Variants in NSD1 observed in about 807,000 individuals in gnomAD.
The protein encoded by NSD1 is nuclear receptor binding SET domain protein 1, also known as histone-lysine N-methyltransferase, H3 lysine-36 specific.
Under a neutral mutation model 242.7 loss-of-function variants are expected in NSD1, and 26 were observed. The ratio of observed to expected loss-of-function variants is 0.11; its 90% CI spans 0.08 to 0.15. NSD1 has a LOEUF of 0.15. Among genes scored for constraint, NSD1 ranks in the 10% least tolerant of loss-of-function variants. NSD1 has a pLI of 1.00. For missense variants in NSD1, 2,495 were observed against 3,272.8 expected, an observed-to-expected ratio of 0.76 and a Z score of 5.80; for synonymous variants, 1,106 against 1,178.1, an observed-to-expected ratio of 0.94 and a Z score of 1.25.
rs1213625782 is a variant in NSD1, at chr5:177,278,077, G to A, written c.5623-2488G>A. Reference sequence around the variant, plus strand: ...ATGGCTTCCAGTTGCATGTGTTGGGGATATTTCTCCATTAGCAAGAAGTTT... The same window carrying A: ...ATGGCTTCCAGTTGCATGTGTTGGGAATATTTCTCCATTAGCAAGAAGTTT... On this transcript the variant is annotated intron_variant, in intron 17 of 22. Transcript: ENST00000439151. Among the ~76,000 whole-genome samples, 7 of 152,278 alleles carry A rather than the reference G, an allele frequency of 4.6e-5. No individual in the cohort carries two copies. The East Asian group carries it at 1.2e-3, about 25-fold the overall frequency.
At chr5:177,222,938 T>C (rs1297895850) in intron 5 of NSD1, among the ~76,000 whole-genome samples, 2 of 152,198 alleles carry the variant, frequency 1.3e-5, no homozygotes, top group Admixed American at 6.5e-5. Context: ...TAATTCTTGG[T>C]TATGAGGATT....
At chr5:177,246,874 T>C (rs1766341389) in intron 10 of NSD1, 78 bp downstream of exon 10, 1 of 1,017,546 alleles carries the variant, frequency 9.8e-7, no homozygotes, top group South Asian at 1.3e-5. Context: ...CCTCTTTCCC[T>C]TGAGTTTTCT....
At chr5:177,185,285 T>C (rs1457810092) in intron 2 of NSD1, among the ~76,000 whole-genome samples, 1 of 151,886 alleles carries the variant, frequency 6.6e-6, no homozygotes, top group Non-Finnish European at 1.5e-5. Context: ...CTGGGCATCA[T>C]GGTGAAACCC....
intron 2 of NSD1, among the ~76,000 whole-genome samples, chr5:177,144,277 A>G (rs1757058755): frequency 6.6e-6 from 1 of 151,472 alleles, no homozygotes; most frequent in South Asian, 2.1e-4. Context: ...GCTAGAGTGC[A>G]GTGGCCTGAT....
chr5:177,257,812 C>CT lies in NSD1; in HGVS notation c.4966+670dup, dbSNP rs1427620080. On this transcript the variant is annotated intron_variant, in intron 13 of 22. Transcript: ENST00000439151. ...AACCAGAGTGTAGTCTTCCCCTGGG[C>CT]TTTTTTTTTATTTTATTTTATTTTA... Among the ~76,000 whole-genome samples, 128 of 125,366 alleles carry CT rather than the reference C, an allele frequency of 1.0e-3. 1 individual carries two copies. Among genetic ancestry groups the CT allele is most frequent in the African/African-American group, 3.1e-3 (117 of 37,546 alleles). The allele number at this position is 125,366 out of a possible 152,430, so 82.2% of individuals were successfully genotyped here. A position where few individuals can be genotyped will look rare whatever the true frequency, so the allele number is the denominator to read the frequency against.
At position 177,294,723 on chromosome 5, in the gene NSD1, C is replaced by T; in HGVS notation, c.7355C>T (p.Ala2452Val). ...VDQNTQSKNRAALVMDLIDLT... is the reference protein window; with the variant it reads ...VDQNTQSKNRVALVMDLIDLT... ...CAGAATACTCAGTCAAAAAATAGAG[C>T]TGCTTTGGTGATGGATCTCATAGAC... Residue 2452 changes from alanine to valine, a missense_variant, in exon 23 of 23, where the codon GCT (alanine) becomes GTT (valine). Ala to Val is a moderately conservative substitution (Grantham distance 64). Transcript: ENST00000439151. 2 of 1,614,232 alleles carry T rather than the reference C, an allele frequency of 1.2e-6. No individual in the cohort carries two copies. The highest frequency in any genetic ancestry group is 1.7e-6 in the Non-Finnish European group (2 of 1,180,040).
At chr5:177,177,068 A>G (rs970338082) in intron 2 of NSD1, among the ~76,000 whole-genome samples, 7 of 152,172 alleles carry the variant, frequency 4.6e-5, no homozygotes, top group African/African-American at 1.2e-4. Flanking sequence ...TGTGCTATGC[A>G]CTGTTTTGTT....
intron 8 of NSD1, 110 bp downstream of exon 8, chr5:177,239,975 A>AGT: frequency 1.5e-6 from 1 of 688,646 alleles, no homozygotes; most frequent in Non-Finnish European, 2.6e-6. Context: ...TATAGAAATT[A>AGT]GTGTGTGTGT....
At chr5:177,214,572 A>ATGCAGTATT (rs948541431) in intron 5 of NSD1, among the ~76,000 whole-genome samples, 1 of 152,130 alleles carries the variant, frequency 6.6e-6, no homozygotes, top group African/African-American at 2.4e-5. Context: ...AAGTGGAATC[A>ATGCAGTATT]TGCAGTATTT....
intron 2 of NSD1, among the ~76,000 whole-genome samples, chr5:177,158,285 CTTTCTTTCTTTCTTTCTTTT>C (rs1758336715): frequency 2.2e-5 from 2 of 90,840 alleles, no homozygotes; most frequent in African/African-American, 1.3e-4. Flanking sequence ...TTCTTTCTTT[CTTTCTTTCTTTCTTTCTTTT>C]CTTTCTTTTC....
chr5:177,166,938 G>A (rs1223784195), intron 2 of NSD1, among the ~76,000 whole-genome samples: 1 of 151,662 alleles, frequency 6.6e-6, no homozygotes, highest in East Asian at 2.0e-4. Flanking sequence ...TAGAGATGGG[G>A]TTTCAGCATT....
chr5:177,146,525 T>C (rs1045234739), intron 2 of NSD1, among the ~76,000 whole-genome samples: 1 of 152,016 alleles, frequency 6.6e-6, no homozygotes. Flanking sequence ...GGCATTGACG[T>C]TCATGTAATT....
At position 177,270,154 on chromosome 5, in the gene NSD1, AGTCTT is replaced by A. The variant is rs35874885; in HGVS notation, c.5509+379_5509+383del. 4.8e-3 allele frequency among the ~76,000 whole-genome samples: 716 copies of A among 150,548 alleles called. 15 individuals are homozygous for A. The highest frequency in any genetic ancestry group is 4.1e-3 in the African/African-American group (166 of 40,906). Reference sequence around the variant, plus strand: ...TAGCAGAGCTACATTTGCTCCAAGGAGTCTTGTCTTGTCTTGTCTTGTCTTGTCTT... The same window carrying A: ...TAGCAGAGCTACATTTGCTCCAAGGAGTCTTGTCTTGTCTTGTCTTGTCTT... On this transcript the variant is annotated intron_variant, in intron 16 of 22. Transcript: ENST00000439151.
chr5:177,176,254 A>G (rs948897266), intron 2 of NSD1, among the ~76,000 whole-genome samples: 4 of 149,936 alleles, frequency 2.7e-5, no homozygotes, highest in Non-Finnish European at 5.9e-5. Context: ...TAAATATTCG[A>G]TTCTTCTTCC....
chr5:177,283,768 G>T lies in NSD1; in HGVS notation c.6010-19G>T. The T allele has an allele frequency of 6.2e-7, 1 of 1,613,940 alleles. No individual in the cohort carries two copies. Among genetic ancestry groups the T allele is most frequent in the Middle Eastern group, 1.7e-4 (1 of 6,058 alleles). On this transcript the variant is annotated intron_variant, in intron 19 of 22. Coordinates refer to ENST00000439151, the MANE Select transcript of NSD1 (RefSeq NM_022455.5). ...GAGGTCTCAGGAAGTCTGATGTGTA[G>T]CTTCTTTTGGAATTCTAGGACCGAA...
chr5:177,258,376 TG>T (rs1460756267), intron 13 of NSD1, among the ~76,000 whole-genome samples: 1 of 152,100 alleles, frequency 6.6e-6, no homozygotes, highest in African/African-American at 2.4e-5. Context: ...TTTGTTTGTT[TG>T]TTTTTTTAAT....
chr5:177,236,500 G>T (rs1334979708), intron 6 of NSD1, among the ~76,000 whole-genome samples: 1 of 152,068 alleles, frequency 6.6e-6, no homozygotes, highest in East Asian at 1.9e-4. Flanking sequence ...TTCATACCAG[G>T]ACTCAATCTA....
chr5:177,218,636 C>T (rs1272155041), intron 5 of NSD1, among the ~76,000 whole-genome samples: 12 of 151,022 alleles, frequency 7.9e-5, no homozygotes, highest in African/African-American at 2.4e-4. Flanking sequence ...GGCGCAATCT[C>T]GGGTCACTGC....
chr5:177,290,493 C>T (rs903286738), intron 21 of NSD1, among the ~76,000 whole-genome samples: 1 of 151,642 alleles, frequency 6.6e-6, no homozygotes, highest in Middle Eastern at 3.4e-3. Context: ...CTGTAACCTC[C>T]GTCTCCCAGG....
Sources: gnomAD v4.1 joint callset for allele counts (sites outside exome capture counted in the v4.1 genomes callset) on GRCh38, gnomAD v4.1.1 for gene constraint, MANE v1.5 for transcripts, NCBI Gene and HGNC (gene_info 2026-07-23, HGNC 2026-07-21) for gene names.